NCKAP5: variants seen among roughly 807,000 people sequenced by gnomAD.
NCKAP5 encodes the protein NCK associated protein 5.
NCKAP5 carries 92 observed loss-of-function variants against 167.0 expected under a neutral mutation model. That is an observed-to-expected ratio of 0.55 (90% CI 0.47 to 0.66). The LOEUF is 0.66. NCKAP5 is among the 30% of genes least tolerant of loss of function. NCKAP5 has a pLI of 0.00. For missense variants in NCKAP5, 2,378 were observed against 2,315.0 expected (o/e 1.03, Z -0.56); for synonymous variants, 891 against 877.4 (o/e 1.02, Z -0.27).
chr2:132,708,025 G>A (rs1048606627), intron 19 of NCKAP5, among the ~76,000 whole-genome samples: 5 of 152,130 alleles, frequency 3.3e-5, no homozygotes, highest in African/African-American at 1.2e-4. Context: ...TCTGACTGAA[G>A]AGCCTCTGGG....
rs532903324 is a variant in NCKAP5 at position 133,447,228 on chromosome 2, G to A, written c.69+70230C>T. Among the ~76,000 whole-genome samples, 3 of 152,138 alleles carry A rather than the reference G, an allele frequency of 2.0e-5. No homozygotes were observed. The East Asian group carries it at 5.8e-4, about 29-fold the overall frequency. On this transcript the variant is annotated intron_variant, in intron 3 of 19. Coordinates refer to ENST00000409261, the MANE Select transcript of NCKAP5 (RefSeq NM_207363.3). ...AAACAAATTGCCATAGACCCTAGAG[G>A]GGCTCAATATTGATGGGAAACATTC...
At chr2:133,115,432 G>T (rs1274412626) in intron 6 of NCKAP5, among the ~76,000 whole-genome samples, 1 of 152,008 alleles carries the variant, frequency 6.6e-6, no homozygotes, top group Non-Finnish European at 1.5e-5. Flanking sequence ...TCAAATGATT[G>T]TTCACTCTGT....
intron 6 of NCKAP5, among the ~76,000 whole-genome samples, chr2:133,002,005 T>C (rs1225584415): frequency 6.6e-6 from 1 of 152,192 alleles, no homozygotes; most frequent in Non-Finnish European, 1.5e-5. Flanking sequence ...ATGATGTGTG[T>C]AGATTATATG....
rs943331789 is a variant in NCKAP5, at chr2:132,785,693, C to A, written c.1118G>T (p.Arg373Met). 4 of 1,495,640 alleles carry A rather than the reference C, an allele frequency of 2.7e-6. No individual in the cohort carries two copies. In the Admixed American group the frequency reaches 7.3e-5, roughly 27 times the overall value. 92.6% of individuals were successfully genotyped at this position (1,495,640 alleles called of 1,614,324 possible). The change falls in exon 14 of 20, where the codon AGG becomes ATG. Residue 373 changes from arginine to methionine, a missense_variant. Arg to Met is a moderately conservative substitution (Grantham distance 91). Transcript: ENST00000409261. ...KRQSSQNWDK[R>M]LSIDSSLPSG... Reference sequence around the variant, plus strand: ...TGGGAGCGAAGAATCAATACTTAGCCTTTTATCCCAGTTTTGTGATGATTG... The same window carrying A: ...TGGGAGCGAAGAATCAATACTTAGCATTTTATCCCAGTTTTGTGATGATTG...
chr2:132,890,977 A>C (rs978677423), intron 8 of NCKAP5, among the ~76,000 whole-genome samples: 23 of 152,200 alleles, frequency 1.5e-4, no homozygotes, highest in African/African-American at 5.3e-4. Context: ...CTTGGACTCA[A>C]CCCATTAGGT....
the NCKAP5 span, among the ~76,000 whole-genome samples, chr2:133,583,470 G>A: frequency 1.4e-5 from 1 of 70,716 alleles, no homozygotes; most frequent in Non-Finnish European, 3.5e-5. Context: ...CAGCACCGTG[G>A]ATTCCTGTAA....
chr2:132,906,925 A>G (rs992794702), intron 8 of NCKAP5, among the ~76,000 whole-genome samples: 3 of 152,222 alleles, frequency 2.0e-5, no homozygotes, highest in African/African-American at 7.2e-5. Flanking sequence ...GCTACAATAG[A>G]ATTTTCTTTC....
chr2:132,932,547 C>T (rs1438806268), intron 8 of NCKAP5, among the ~76,000 whole-genome samples: 1 of 152,148 alleles, frequency 6.6e-6, no homozygotes, highest in Non-Finnish European at 1.5e-5. Flanking sequence ...ACCAATGGCA[C>T]TCACCAGATG....
At chr2:132,738,584 C>T (rs1691738586) in intron 16 of NCKAP5, among the ~76,000 whole-genome samples, 1 of 152,222 alleles carries the variant, frequency 6.6e-6, no homozygotes, top group Non-Finnish European at 1.5e-5. Flanking sequence ...GAGTTGCCCT[C>T]TTTTAAAGCA....
chr2:133,469,390 T>G (rs1692867106), intron 3 of NCKAP5, among the ~76,000 whole-genome samples: 1 of 152,198 alleles, frequency 6.6e-6, no homozygotes, highest in Admixed American at 6.5e-5. Context: ...GCTGTTAGTC[T>G]TATGGGCTTC....
At chr2:133,203,549 A>G (rs1262727282) in intron 5 of NCKAP5, among the ~76,000 whole-genome samples, 1 of 152,170 alleles carries the variant, frequency 6.6e-6, no homozygotes, top group Non-Finnish European at 1.5e-5. Context: ...TAATTAAAAA[A>G]AAAGAAAGTT....
chr2:132,861,241 A>T (rs1476670028), intron 10 of NCKAP5, among the ~76,000 whole-genome samples: 1 of 152,144 alleles, frequency 6.6e-6, no homozygotes, highest in Non-Finnish European at 1.5e-5. Flanking sequence ...CACTTAGCCC[A>T]TTCTGGCATC....
chr2:133,550,963 C>A (rs1398463522), intron 2 of NCKAP5, among the ~76,000 whole-genome samples: 1 of 151,312 alleles, frequency 6.6e-6, no homozygotes, highest in East Asian at 1.9e-4. Flanking sequence ...AACAGACAAA[C>A]AGCCAAATCA....
chr2:133,615,147 A>G, the NCKAP5 span, among the ~76,000 whole-genome samples: 1 of 151,962 alleles, frequency 6.6e-6, no homozygotes, highest in South Asian at 2.1e-4. Flanking sequence ...CTCCTGAAGG[A>G]AGCTCTAAAC....
chr2:133,266,185 C>T (rs901984626), intron 4 of NCKAP5: 2 of 152,280 alleles, frequency 1.3e-5, no homozygotes, highest in African/African-American at 2.4e-5. Context: ...ACACACGGAC[C>T]GACTCCCACA....
intron 9 of NCKAP5, among the ~76,000 whole-genome samples, chr2:132,870,445 C>T (rs1431265411): frequency 6.6e-6 from 1 of 152,188 alleles, no homozygotes; most frequent in East Asian, 1.9e-4. Flanking sequence ...AGATATAAGG[C>T]ACTCTGGTTC....
Position 132,920,813 on chromosome 2 carries a change from A to ATG in NCKAP5, c.580-41898_580-41897insCA, listed in dbSNP as rs1695366770. Among the ~76,000 whole-genome samples, 25 of 102,248 alleles carry ATG rather than the reference A, an allele frequency of 2.4e-4. 2 individuals are homozygous for ATG. The highest frequency in any genetic ancestry group is 7.5e-4 in the African/African-American group (21 of 28,066). 67.1% of individuals were successfully genotyped at this position (102,248 alleles called of 152,430 possible). A position where few individuals can be genotyped will look rare whatever the true frequency, so the allele number is the denominator to read the frequency against. ...TATATATATATATATATATATATATATATATGGAAGAACTAGGTTGTCCTT... is the reference window on the plus strand; with the variant it reads ...TATATATATATATATATATATATATATGTATATGGAAGAACTAGGTTGTCCTT... On this transcript the variant is annotated intron_variant, in intron 8 of 19. Coordinates refer to ENST00000409261, the MANE Select transcript of NCKAP5 (RefSeq NM_207363.3).
intron 2 of NCKAP5, among the ~76,000 whole-genome samples, chr2:133,558,701 G>A (rs1444378638): frequency 9.9e-5 from 1 of 10,090 alleles, no homozygotes; most frequent in African/African-American, 7.9e-4. Context: ...GCAATGTGCT[G>A]AGCAAAAAAA....
chr2:133,325,965 T>C (rs933750271), intron 3 of NCKAP5, among the ~76,000 whole-genome samples: 1 of 152,100 alleles, frequency 6.6e-6, no homozygotes, highest in Non-Finnish European at 1.5e-5. Flanking sequence ...TGTGCTGGAG[T>C]TGGTAAAGCT....
Sources: allele counts gnomAD v4.1 joint callset (sites outside exome capture counted in the v4.1 genomes callset), GRCh38; gene constraint gnomAD v4.1.1; transcripts MANE v1.5; gene names NCBI Gene and HGNC (gene_info 2026-07-23, HGNC 2026-07-21).